Variants in ZNF148 observed in about 807,000 individuals in gnomAD.
ZNF148 encodes the protein Beta-Enolase Repressor Factor-1.
A neutral mutation model predicts 67.7 loss-of-function variants in ZNF148; 7 were observed. That is an observed-to-expected ratio of 0.10 (90% CI 0.06 to 0.19). The LOEUF (loss-of-function observed/expected upper bound fraction) is 0.19, where lower values mean the gene tolerates loss of function less well. Among genes scored for constraint, ZNF148 ranks in the 10% least tolerant of loss-of-function variants. ZNF148 has a pLI of 1.00. For missense variants in ZNF148, 583 were observed against 947.1 expected (o/e 0.62, Z 5.05); for synonymous variants, 333 against 330.7 (o/e 1.01, Z -0.08).
At chr3:125,340,293 T>G (rs1210971456) in intron 1 of ZNF148, among the ~76,000 whole-genome samples, 2 of 152,162 alleles carry the variant, frequency 1.3e-5, no homozygotes, top group Non-Finnish European at 2.9e-5. Flanking sequence ...GGAGATCAAC[T>G]TGAAGCCCAA....
intron 1 of ZNF148, chr3:125,344,298 A>G: frequency 2.1e-6 from 1 of 478,308 alleles, no homozygotes; most frequent in Non-Finnish European, 3.9e-6. Context: ...TGAAGCCCCC[A>G]TGACCTAGTG....
rs1396275526 is a variant in ZNF148 at position 125,331,252 on chromosome 3, CA to C, written c.-233-15del. On this transcript the variant is annotated splice_polypyrimidine_tract_variant and intron_variant, in intron 1 of 8. Transcript: ENST00000360647. ...CCTCCCTCTATCCTACAAAAGTACA[CA>C]AATACAGGTTAACCCCCAAAAGAAT... 1 of 398,504 alleles carries C rather than the reference CA, an allele frequency of 2.5e-6. No individual in the cohort carries two copies. Among genetic ancestry groups the C allele is most frequent in the East Asian group, 3.6e-5 (1 of 28,064 alleles). 24.7% of individuals were successfully genotyped at this position (398,504 alleles called of 1,614,324 possible).
rs1419743323 is a variant in ZNF148 at position 125,227,034 on chromosome 3, A to G, written c.*5307T>C. 1 of 152,042 alleles carries G rather than the reference A, an allele frequency of 6.6e-6. No individual in the cohort carries two copies. The highest frequency in any genetic ancestry group is 2.1e-4 in the South Asian group (1 of 4,822). 9.4% of individuals were successfully genotyped at this position (152,042 alleles called of 1,614,324 possible). A position where few individuals can be genotyped will look rare whatever the true frequency, so the allele number is the denominator to read the frequency against. On this transcript the variant is annotated 3_prime_UTR_variant, in exon 9 of 9. Coordinates refer to ENST00000360647, the MANE Select transcript of ZNF148 (RefSeq NM_021964.3). ...GTTTGCAGTTGAGTCCTTCCCAATG[A>G]TTTCTTAGGGAGTTGAAGAAACAAC...
intron 7 of ZNF148, among the ~76,000 whole-genome samples, chr3:125,258,088 A>T (rs770812045): frequency 1.3e-5 from 2 of 150,160 alleles, no homozygotes; most frequent in Non-Finnish European, 3.0e-5. Flanking sequence ...TCATACTGTT[A>T]ATTTCATATA....
intron 3 of ZNF148, among the ~76,000 whole-genome samples, chr3:125,313,865 C>A (rs553751638): frequency 2.6e-5 from 4 of 152,008 alleles, no homozygotes; most frequent in African/African-American, 7.2e-5. Flanking sequence ...CATATAAAGG[C>A]ATCAAATCCT....
At chr3:125,237,089 A>G (rs1041065493) in intron 7 of ZNF148, among the ~76,000 whole-genome samples, 1 of 152,194 alleles carries the variant, frequency 6.6e-6, no homozygotes, top group Non-Finnish European at 1.5e-5. Flanking sequence ...ATTCCAGAAT[A>G]AGCACTGTTT....
Position 125,279,292 on chromosome 3 carries a change from A to T in ZNF148, c.460-45T>A. The T allele has an allele frequency of 2.1e-6, 3 of 1,430,666 alleles. No homozygotes were observed. The South Asian group carries it at 4.3e-5, about 21-fold the overall frequency. 88.6% of individuals were successfully genotyped at this position (1,430,666 alleles called of 1,614,324 possible). On this transcript the variant is annotated intron_variant, in intron 5 of 8. Coordinates refer to ENST00000360647, the MANE Select transcript of ZNF148 (RefSeq NM_021964.3). ...GCAAAAACAAAAGAAATAAGTTTTT[A>T]AAATGTAATTAAATAGTAATTTTAA...
chr3:125,325,202 GTT>G, intron 2 of ZNF148, among the ~76,000 whole-genome samples: 1 of 152,198 alleles, frequency 6.6e-6, no homozygotes, highest in East Asian at 1.9e-4. Flanking sequence ...AAATCCTGAA[GTT>G]TAAGAATACA....
At chr3:125,369,467 T>C (rs1942810342) in intron 1 of ZNF148, among the ~76,000 whole-genome samples, 1 of 149,698 alleles carries the variant, frequency 6.7e-6, no homozygotes, top group Admixed American at 6.7e-5. Context: ...TCGCTCACCT[T>C]TATAGACCCC....
At chr3:125,286,892 G>C (rs1208533144) in intron 5 of ZNF148, among the ~76,000 whole-genome samples, 1 of 152,100 alleles carries the variant, frequency 6.6e-6, no homozygotes, top group African/African-American at 2.4e-5. Context: ...TTCAAAATTT[G>C]CTATTGTAGG....
intron 1 of ZNF148, among the ~76,000 whole-genome samples, chr3:125,369,975 C>A (rs1942826794): frequency 6.7e-6 from 1 of 149,830 alleles, no homozygotes; most frequent in African/African-American, 2.5e-5. Context: ...AGAGCAAGAC[C>A]CCGTCTCAAA....
At chr3:125,305,551 C>T (rs1402827455) in intron 4 of ZNF148, among the ~76,000 whole-genome samples, 9 of 152,034 alleles carry the variant, frequency 5.9e-5, no homozygotes, top group Non-Finnish European at 8.8e-5. Flanking sequence ...GTGGCTCACA[C>T]CTGTAATCCC....
chr3:125,267,295 G>GA, intron 7 of ZNF148, among the ~76,000 whole-genome samples: 1 of 150,816 alleles, frequency 6.6e-6, no homozygotes, highest in East Asian at 1.9e-4. Flanking sequence ...CAACATCCCT[G>GA]ATGGAAATAG....
In ZNF148 at chr3:125,232,963, C is replaced by T. The variant is rs200443809; in HGVS notation, c.1763G>A (p.Gly588Glu). ...VPEVTPSENV[G>E]SSSQASSSDK... ...TGATGAGGATGCTTGGGAGCTTGATCCAACATTCTCTGACGGGGTGACCTC... is the reference window on the plus strand; with the variant it reads ...TGATGAGGATGCTTGGGAGCTTGATTCAACATTCTCTGACGGGGTGACCTC... The change falls in exon 9 of 9, where the codon GGA (glycine) becomes GAA (glutamate). Residue 588 changes from glycine (G) to glutamate (E), a missense_variant. Gly to Glu is a moderately conservative substitution (Grantham distance 98). This residue lies in a region of ZNF148 where 172 missense variants were observed against 307.7 expected (regional missense o/e 0.56). Transcript: ENST00000360647. The surrounding 1 kb of genome is among the most constrained non-coding windows in gnomAD (Gnocchi z 4.2). 3.2e-4 allele frequency: 519 copies of T among 1,613,676 alleles called. 1 individual carries two copies. Among genetic ancestry groups the T allele is most frequent in the Non-Finnish European group, 4.3e-4 (502 of 1,179,826 alleles).
At chr3:125,307,419 T>TC (rs1392436947) in intron 4 of ZNF148, among the ~76,000 whole-genome samples, 3 of 152,076 alleles carry the variant, frequency 2.0e-5, no homozygotes, top group African/African-American at 7.2e-5. Flanking sequence ...TTCTCCTGCC[T>TC]CAGCCTCCGA....
intron 7 of ZNF148, among the ~76,000 whole-genome samples, chr3:125,270,735 C>T (rs1937688698): frequency 6.6e-6 from 1 of 152,094 alleles, no homozygotes; most frequent in Non-Finnish European, 1.5e-5. Flanking sequence ...TTTAGCCAGG[C>T]ATGCTGGTGC....
At chr3:125,340,987 CAAAAAAAAAAAAA>C (rs934719609) in intron 1 of ZNF148, among the ~76,000 whole-genome samples, 51 of 12,172 alleles carry the variant, frequency 4.2e-3, no homozygotes, top group African/African-American at 0.011. Flanking sequence ...GACTCCGGCT[CAAAAAAAAAAAAA>C]AAAAAAAAAA....
intron 1 of ZNF148, among the ~76,000 whole-genome samples, chr3:125,343,456 CACCA>C (rs1297612122): frequency 9.9e-5 from 2 of 20,240 alleles, no homozygotes; most frequent in African/African-American, 6.0e-4. Context: ...TTGTAAAATG[CACCA>C]ATCAGCGCTC....
chr3:125,273,127 A>C lies in ZNF148; in HGVS notation c.667+4599T>G, dbSNP rs575230119. Among the ~76,000 whole-genome samples, 8 of 152,364 alleles carry C rather than the reference A, an allele frequency of 5.3e-5. No homozygotes were observed. In the East Asian group the frequency reaches 1.5e-3, roughly 29 times the overall value. ...TTTTTATCGATAACTGAACCATACT[A>C]AGGGAAATATAAAGGGTTAAGCTAA... On this transcript the variant is annotated intron_variant, in intron 7 of 8. Coordinates refer to ENST00000360647, the MANE Select transcript of ZNF148 (RefSeq NM_021964.3).
Sources: allele counts gnomAD v4.1 joint callset (sites outside exome capture counted in the v4.1 genomes callset), GRCh38; gene constraint gnomAD v4.1.1; regional missense constraint gnomAD v4.1.1; non-coding constraint Gnocchi (gnomAD v3.1); transcripts MANE v1.5; gene names NCBI Gene and HGNC (gene_info 2026-07-23, HGNC 2026-07-21).